Variants in CCDC62 observed in about 807,000 individuals in gnomAD.
CCDC62 encodes coiled-coil domain containing 62.
A neutral mutation model predicts 80.8 loss-of-function variants in CCDC62; 72 were observed. That is an observed-to-expected ratio of 0.89 (90% confidence interval 0.74 to 1.08). CCDC62 has a LOEUF of 1.08. CCDC62 is among the 50% of genes least tolerant of loss of function. The pLI, the probability that CCDC62 is intolerant of heterozygous loss-of-function variation, is 0.00. For synonymous variants in CCDC62, 286 were observed against 296.5 expected, an observed-to-expected ratio of 0.96 and a Z score of 0.36; for missense variants, 704 against 809.4, an observed-to-expected ratio of 0.87 and a Z score of 1.58.
chr12:122,795,635 A>G (rs897965031), intron 6 of CCDC62, among the ~76,000 whole-genome samples: 2 of 152,110 alleles, frequency 1.3e-5, no homozygotes, highest in African/African-American at 4.8e-5. Flanking sequence ...CGTGTTAGCC[A>G]GGATGGTCTT....
chr12:122,813,390 C>G lies in CCDC62; in HGVS notation c.1972C>G (p.His658Asp), dbSNP rs1174510283. 1.9e-6 allele frequency: 3 copies of G among 1,612,956 alleles called. No individual in the cohort carries two copies. The African/African-American group carries it at 4.0e-5, about 22-fold the overall frequency. ...GCTGAGCACACTGCTGCCCATCAGC[C>G]ATGAGAATCTCACTGGCAGTGCCAC... is the stretch of plus-strand genomic sequence containing the variant. The part of the protein sequence containing the change: ...LELSTLLPIS[H>D]ENLTGSATNK... Residue 658 changes from histidine (H) to aspartate (D), a missense_variant, in exon 11 of 13, where the codon CAT (histidine) becomes GAT (aspartate). Physicochemically the swap from His to Asp is moderately conservative, Grantham distance 81 (BLOSUM62 -1). Coordinates refer to ENST00000253079, the MANE Select transcript of CCDC62 (RefSeq NM_201435.5).
At chr12:122,807,504 C>T (rs2031671485) in intron 10 of CCDC62, among the ~76,000 whole-genome samples, 1 of 131,176 alleles carries the variant, frequency 7.6e-6, no homozygotes, top group Non-Finnish European at 1.6e-5. Flanking sequence ...GCACTCCAGC[C>T]TGGCAACAGA....
intron 3 of CCDC62, among the ~76,000 whole-genome samples, chr12:122,785,069 G>A (rs1401829930): frequency 6.6e-6 from 1 of 151,888 alleles, no homozygotes; most frequent in Non-Finnish European, 1.5e-5. Context: ...AATCCAGGAG[G>A]CAGAGGTTGC....
rs12312837 is a variant in CCDC62 at position 122,781,141 on chromosome 12, A to C, written c.230-23A>C. 10 of 1,593,626 alleles carry C rather than the reference A, an allele frequency of 6.3e-6. No individual in the cohort carries two copies. In the East Asian group the frequency reaches 9.0e-5, roughly 14 times the overall value. On this transcript the variant is annotated intron_variant, in intron 2 of 12. Coordinates refer to ENST00000253079, the MANE Select transcript of CCDC62 (RefSeq NM_201435.5). ...CTTTTAAGCTGAAGGTGTGACTACAAATTATTGATGAACTTCCCTCAGGTG... is the reference window on the plus strand; with the variant it reads ...CTTTTAAGCTGAAGGTGTGACTACACATTATTGATGAACTTCCCTCAGGTG...
intron 12 of CCDC62, among the ~76,000 whole-genome samples, chr12:122,824,138 G>A (rs753433332): frequency 4.6e-5 from 7 of 152,066 alleles, no homozygotes; most frequent in Non-Finnish European, 7.4e-5. Context: ...AATGCGGGCC[G>A]GGCGCAGTGG....
In CCDC62 at chr12:122,788,900, C is replaced by T. The variant is rs748235376; in HGVS notation, c.641C>T (p.Ala214Val). 5 of 1,601,702 alleles carry T rather than the reference C, an allele frequency of 3.1e-6. No homozygotes were observed. Among genetic ancestry groups the T allele is most frequent in the Non-Finnish European group, 4.2e-6 (5 of 1,176,994 alleles). The change falls in exon 5 of 13, where the codon GCA becomes GTA. Residue 214 changes from alanine to valine, a missense_variant. Transcript: ENST00000253079. ...CAAGATTATAAGCAGAAATTGAAGGCACTTAAGATTGAAGTCAACAAACTA... is the reference window on the plus strand; with the variant it reads ...CAAGATTATAAGCAGAAATTGAAGGTACTTAAGATTGAAGTCAACAAACTA... ...EKQDYKQKLK[A>V]LKIEVNKLKE...
At chr12:122,775,116 A>T (rs979402258) in intron 1 of CCDC62, among the ~76,000 whole-genome samples, 1 of 150,150 alleles carries the variant, frequency 6.7e-6, no homozygotes, top group Non-Finnish European at 1.5e-5. Context: ...AAAAAAAAAA[A>T]GTGAAACAAT....
chr12:122,799,287 A>G (rs1382912057), intron 8 of CCDC62, among the ~76,000 whole-genome samples: 1 of 152,098 alleles, frequency 6.6e-6, no homozygotes, highest in Non-Finnish European at 1.5e-5. Flanking sequence ...ACAGAGATGA[A>G]TCATTCATTC....
chr12:122,795,150 A>G (rs939229434), intron 6 of CCDC62, among the ~76,000 whole-genome samples: 1 of 151,674 alleles, frequency 6.6e-6, no homozygotes, highest in African/African-American at 2.4e-5. Flanking sequence ...TCCTGGGTTC[A>G]AGCAATTCTC....
At chr12:122,791,774 T>C (rs548146235) in intron 5 of CCDC62, among the ~76,000 whole-genome samples, 1 of 152,350 alleles carries the variant, frequency 6.6e-6, no homozygotes, top group East Asian at 1.9e-4. Flanking sequence ...AAGATTGCTC[T>C]GTGTACACTG....
At chr12:122,777,235 G>A in intron 1 of CCDC62, 1 of 370,586 alleles carries the variant, frequency 2.7e-6, no homozygotes, top group African/African-American at 2.1e-5. Context: ...TTACCCAGTG[G>A]GTTTTAGAAA....
chr12:122,811,504 C>G (rs2031882860), intron 10 of CCDC62, among the ~76,000 whole-genome samples: 2 of 140,430 alleles, frequency 1.4e-5, no homozygotes, highest in Admixed American at 1.5e-4. Flanking sequence ...AGCCACCGTG[C>G]CCGGCTGAAA....
At chr12:122,820,532 A>T (rs1321199164) in intron 11 of CCDC62, among the ~76,000 whole-genome samples, 1 of 152,104 alleles carries the variant, frequency 6.6e-6, no homozygotes, top group African/African-American at 2.4e-5. Context: ...TGAAGTTTTT[A>T]AACGAATAAG....
At chr12:122,800,769 A>G (rs902766962) in intron 8 of CCDC62, among the ~76,000 whole-genome samples, 5 of 46,696 alleles carry the variant, frequency 1.1e-4, no homozygotes, top group African/African-American at 2.0e-4. Context: ...TTATAGCATT[A>G]TGGAAAGAGA....
chr12:122,809,211 C>T lies in CCDC62; in HGVS notation c.1851+2916C>T, dbSNP rs564413694. Among the ~76,000 whole-genome samples, 9 of 152,322 alleles carry T rather than the reference C, an allele frequency of 5.9e-5. 1 individual carries two copies. The highest frequency in any genetic ancestry group is 4.1e-4 in the South Asian group (2 of 4,826). Reference sequence around the variant, plus strand: ...CAAAACACTTATCAGGCCATCAGGCCGGGCGTGGTGGCTCATGCCTGTAAT... The same window carrying T: ...CAAAACACTTATCAGGCCATCAGGCTGGGCGTGGTGGCTCATGCCTGTAAT... On this transcript the variant is annotated intron_variant, in intron 10 of 12. Transcript: ENST00000253079.
chr12:122,809,778 G>C (rs2135574275), intron 10 of CCDC62, among the ~76,000 whole-genome samples: 1 of 152,252 alleles, frequency 6.6e-6, no homozygotes, highest in Admixed American at 6.5e-5. Context: ...ATACTACAAG[G>C]CTACAGTAAC....
intron 1 of CCDC62, 134 bp from the exon 2 acceptor site, chr12:122,777,357 G>A (rs963190519): frequency 1.5e-6 from 1 of 670,280 alleles, no homozygotes; most frequent in African/African-American, 1.8e-5. Context: ...ATCTTTTGCT[G>A]CCATGTTATT....
chr12:122,793,746 T>C (rs952549953), intron 6 of CCDC62, among the ~76,000 whole-genome samples: 5 of 152,116 alleles, frequency 3.3e-5, no homozygotes, highest in African/African-American at 9.7e-5. Flanking sequence ...CGAGCCACCA[T>C]GCCCGACCTA....
chr12:122,817,821 C>CAT (rs2032231147), intron 11 of CCDC62, among the ~76,000 whole-genome samples: 2 of 151,288 alleles, frequency 1.3e-5, no homozygotes, highest in African/African-American at 4.8e-5. Context: ...TGCATGCATG[C>CAT]GTGTGTGTGT....
Sources: gnomAD v4.1 joint callset for allele counts (sites outside exome capture counted in the v4.1 genomes callset) on GRCh38, gnomAD v4.1.1 for gene constraint, MANE v1.5 for transcripts, NCBI Gene and HGNC (gene_info 2026-07-23, HGNC 2026-07-21) for gene names.